Variants in CDC27 observed in about 807,000 individuals in gnomAD.
CDC27 encodes cell division cycle protein 27 homolog.
CDC27 carries 27 observed loss-of-function variants against 109.7 expected under a neutral mutation model. The ratio of observed to expected loss-of-function variants is 0.25; its 90% CI spans 0.18 to 0.34. CDC27 has a LOEUF of 0.34. Among genes scored for constraint, CDC27 ranks in the 10% least tolerant of loss-of-function variants. The probability of loss-of-function intolerance (pLI) is 1.00; values close to 1 mark genes in which losing one functional copy is unlikely to be tolerated. For missense variants in CDC27, 579 were observed against 960.2 expected (o/e 0.60, Z 5.25); for synonymous variants, 266 against 333.9 (o/e 0.80, Z 2.22).
chr17:47,157,460 G>A, intron 5 of CDC27, 76 bp from the exon 6 acceptor site: 2 of 1,131,176 alleles, frequency 1.8e-6, no homozygotes, highest in Admixed American at 2.3e-5. Flanking sequence ...GCATAAATCA[G>A]TGGAAACAGG....
Position 47,142,252 on chromosome 17 carries a change from A to C in CDC27, c.1355T>G (p.Phe452Cys), listed in dbSNP as rs2062815993. 1 of 1,599,566 alleles carries C rather than the reference A, an allele frequency of 6.3e-7. No homozygotes were observed. The highest frequency in any genetic ancestry group is 1.3e-5 in the African/African-American group (1 of 74,652). ...ISTITPQIQA[F>C]NLQKAAAEGL... Reference sequence around the variant, plus strand: ...ACCTGCTGCTGCTTTTTGTAGATTAAAGGCCTGAATCTGAGGTGTGATTGT... The same window carrying C: ...ACCTGCTGCTGCTTTTTGTAGATTACAGGCCTGAATCTGAGGTGTGATTGT... Residue 452 changes from phenylalanine to cysteine, a missense_variant, in exon 11 of 19, where the codon TTT (phenylalanine) becomes TGT (cysteine). By Grantham distance (205) the Phe-to-Cys change is radical (BLOSUM62 -2). Around this residue, in one of 9 missense-constraint regions of CDC27, gnomAD observed 58 missense variants for 116.6 expected, o/e 0.50. Coordinates refer to ENST00000066544, the MANE Select transcript of CDC27 (RefSeq NM_001256.6).
At chr17:47,135,474 G>C (rs144657691) in intron 14 of CDC27, among the ~76,000 whole-genome samples, 1 of 151,802 alleles carries the variant, frequency 6.6e-6, no homozygotes, top group Non-Finnish European at 1.5e-5. Context: ...AAATGAATAA[G>C]AAAAAAGCAC....
chr17:47,133,310 G>A (rs1436448405), intron 14 of CDC27, among the ~76,000 whole-genome samples: 1 of 150,054 alleles, frequency 6.7e-6, no homozygotes, highest in East Asian at 2.0e-4. Flanking sequence ...GGCTAATTTT[G>A]TATTTTTAGC....
intron 9 of CDC27, among the ~76,000 whole-genome samples, chr17:47,147,420 CAAACAAACAAA>C (rs1232904551): frequency 7.1e-5 from 7 of 99,108 alleles, no homozygotes; most frequent in African/African-American, 2.6e-4. Flanking sequence ...AACAAACAAA[CAAACAAACAAA>C]AAAAAAAACA....
rs1366123782 is a variant in CDC27, at chr17:47,118,706, T to C, written c.*2229A>G. ...CAAAATGTGTTCTTCTTCGGGTTGT[T>C]TGATCCCCATTCCATGCAAAAAACA... On this transcript the variant is annotated 3_prime_UTR_variant, in exon 19 of 19. Transcript: ENST00000066544. 1 of 152,616 alleles carries C rather than the reference T, an allele frequency of 6.6e-6. No homozygotes were observed. Among genetic ancestry groups the C allele is most frequent in the African/African-American group, 2.4e-5 (1 of 41,448 alleles). 9.5% of individuals were successfully genotyped at this position (152,616 alleles called of 1,614,324 possible).
intron 9 of CDC27, among the ~76,000 whole-genome samples, chr17:47,144,892 C>CAT (rs1367376595): frequency 2.0e-5 from 3 of 151,972 alleles, no homozygotes; most frequent in Admixed American, 2.0e-4. Context: ...CACACACACA[C>CAT]ATAAATCCTT....
Position 47,169,944 on chromosome 17 carries a change from G to A in CDC27, c.350C>T (p.Thr117Ile). The stretch of plus-strand genomic sequence containing the variant: ...ATATACATGTCCCAACAATGAAAGA[G>A]TAAAGCAAGCTGAATCACCAAACTC... ...VTEFGDSACF[T>I]LSLLGHVYCK... is the part of the protein sequence containing the mutation. The change falls in exon 4 of 19, where the codon ACT becomes ATT. Residue 117 changes from threonine to isoleucine, a missense_variant. Physicochemically the swap from Thr to Ile is moderately conservative, Grantham distance 89. Coordinates refer to ENST00000066544, the MANE Select transcript of CDC27 (RefSeq NM_001256.6). 1 of 1,598,294 alleles carries A rather than the reference G, an allele frequency of 6.3e-7. No individual in the cohort carries two copies. Among genetic ancestry groups the A allele is most frequent in the South Asian group, 1.1e-5 (1 of 88,228 alleles).
At chr17:47,182,253 T>C (rs2064270744) in intron 1 of CDC27, among the ~76,000 whole-genome samples, 1 of 152,204 alleles carries the variant, frequency 6.6e-6, no homozygotes, top group South Asian at 2.1e-4. Flanking sequence ...AAAGTTATCA[T>C]AGGAATAACT....
At chr17:47,181,277 A>AAAC (rs2064223306) in intron 2 of CDC27, 3 of 153,290 alleles carry the variant, frequency 2.0e-5, no homozygotes, top group Non-Finnish European at 4.2e-5. Context: ...AAAAAAAAAA[A>AAAC]AAAAAAAAAC....
intron 16 of CDC27, among the ~76,000 whole-genome samples, chr17:47,127,773 G>C (rs2062191709): frequency 6.6e-6 from 1 of 151,818 alleles, no homozygotes; most frequent in Admixed American, 6.6e-5. Context: ...CGCGAAAACA[G>C]CTCACTGCAA....
intron 4 of CDC27, among the ~76,000 whole-genome samples, chr17:47,164,534 A>G (rs2063587481): frequency 1.3e-5 from 2 of 152,124 alleles, no homozygotes; most frequent in Non-Finnish European, 2.9e-5. Context: ...ACTGTAAACT[A>G]CGCTGGACAC....
intron 4 of CDC27, among the ~76,000 whole-genome samples, chr17:47,164,414 T>C (rs2063584250): frequency 6.6e-6 from 1 of 152,206 alleles, no homozygotes; most frequent in Non-Finnish European, 1.5e-5. Flanking sequence ...TACATAGAAC[T>C]TGCAAAAACA....
chr17:47,132,624 G>A (rs2062379607), intron 14 of CDC27, among the ~76,000 whole-genome samples: 2 of 151,042 alleles, frequency 1.3e-5, no homozygotes, highest in Non-Finnish European at 2.9e-5. Flanking sequence ...GGAGTGCAGT[G>A]GGCCAATCAT....
At chr17:47,127,648 G>A (rs913007584) in intron 16 of CDC27, among the ~76,000 whole-genome samples, 3 of 151,992 alleles carry the variant, frequency 2.0e-5, no homozygotes, top group African/African-American at 4.8e-5. Flanking sequence ...TGATCTGCCC[G>A]CCCCAGCCTC....
chr17:47,183,529 T>G (rs1430014323), intron 1 of CDC27, among the ~76,000 whole-genome samples: 1 of 152,192 alleles, frequency 6.6e-6, no homozygotes, highest in East Asian at 1.9e-4. Context: ...TAGCTTAAAT[T>G]TTATAAAGTC....
intron 14 of CDC27, 44 bp downstream of exon 14, chr17:47,137,108 G>A: frequency 2.5e-6 from 3 of 1,203,346 alleles, no homozygotes; most frequent in East Asian, 2.5e-5. Context: ...GTAAGTACCA[G>A]CACCATCAAT....
rs796222654 is a variant in CDC27 at position 47,137,250 on chromosome 17, A to G, written c.1815T>C (p.Thr605=). Residue 605 remains threonine (T), a synonymous_variant, in exon 14 of 19, where the codon ACT becomes ACC. Transcript: ENST00000066544. ...QVDPNYAYAY[T]LLGHEFVLTE... is the part of the protein sequence containing the mutation. Reference sequence around the variant, plus strand: ...TTAAGACAAACTCATGCCCTAATAGAGTATAGGCATAAGCGTAATTTGGAT... The same window carrying G: ...TTAAGACAAACTCATGCCCTAATAGGGTATAGGCATAAGCGTAATTTGGAT... The G allele has an allele frequency of 3.7e-6, 6 of 1,610,590 alleles. No individual in the cohort carries two copies. Among genetic ancestry groups the G allele is most frequent in the Non-Finnish European group, 4.2e-6 (5 of 1,177,626 alleles).
intron 4 of CDC27, among the ~76,000 whole-genome samples, chr17:47,167,566 A>T (rs569905906): frequency 6.6e-6 from 1 of 152,232 alleles, no homozygotes; most frequent in Non-Finnish European, 1.5e-5. Context: ...GAACAATATA[A>T]TGCTCAAATT....
At chr17:47,146,693 T>C (rs551270080) in intron 9 of CDC27, among the ~76,000 whole-genome samples, 2 of 152,278 alleles carry the variant, frequency 1.3e-5, no homozygotes, top group Admixed American at 6.5e-5. Context: ...ATCAAGCTGT[T>C]TCCAAGCAAC....
Sources: gnomAD v4.1 joint callset for allele counts (sites outside exome capture counted in the v4.1 genomes callset) on GRCh38, gnomAD v4.1.1 for gene constraint, gnomAD v4.1.1 regional missense constraint, MANE v1.5 for transcripts, NCBI Gene and HGNC (gene_info 2026-07-23, HGNC 2026-07-21) for gene names.